Variants in HDAC4 observed in about 807,000 individuals in gnomAD.
HDAC4 encodes histone deacetylase A.
In HDAC4, 16 loss-of-function variants were observed where a neutral mutation model predicts 135.1. The observed-to-expected ratio is 0.12, with a 90% confidence interval of 0.08 to 0.18. The LOEUF is 0.18. Ranked by LOEUF, HDAC4 falls within the 10% of genes least tolerant of loss-of-function variation. The probability of loss-of-function intolerance (pLI) is 1.00; values close to 1 mark genes in which losing one functional copy is unlikely to be tolerated. For synonymous variants in HDAC4, 685 were observed against 653.4 expected, an observed-to-expected ratio of 1.05 and a Z score of -0.74; for missense variants, 1,143 against 1,511.8, an observed-to-expected ratio of 0.76 and a Z score of 4.05.
chr2:239,284,008 G>T (rs191004762), intron 2 of HDAC4, among the ~76,000 whole-genome samples: 235 of 152,324 alleles, frequency 1.5e-3, no homozygotes, highest in Non-Finnish European at 2.7e-3. Context: ...GTCGGCGCAG[G>T]GGCCCCCAGC....
chr2:239,297,297 G>A (rs1228246808), intron 2 of HDAC4, among the ~76,000 whole-genome samples: 3 of 152,236 alleles, frequency 2.0e-5, no homozygotes, highest in African/African-American at 7.2e-5. Context: ...CAGCAACCCA[G>A]GGTCTCTGAA....
chr2:239,215,384 T>C (rs1477483045), intron 3 of HDAC4, among the ~76,000 whole-genome samples: 2 of 152,126 alleles, frequency 1.3e-5, no homozygotes, highest in Non-Finnish European at 2.9e-5. Context: ...GGCTGGCTGC[T>C]GGGAGCCCAG....
chr2:239,330,983 AC>A (rs1348442402), intron 2 of HDAC4, among the ~76,000 whole-genome samples: 1 of 152,212 alleles, frequency 6.6e-6, no homozygotes, highest in African/African-American at 2.4e-5. Context: ...CGCTGCTGAC[AC>A]AGACCTGCTG....
chr2:239,300,962 TG>T (rs1350871215), intron 2 of HDAC4, among the ~76,000 whole-genome samples: 3 of 152,244 alleles, frequency 2.0e-5, no homozygotes, highest in Non-Finnish European at 4.4e-5. Flanking sequence ...CCCTTAGCTC[TG>T]GGCTTCTCTT....
intron 1 of HDAC4, among the ~76,000 whole-genome samples, chr2:239,354,306 G>A (rs1044328363): frequency 4.6e-5 from 7 of 152,048 alleles, no homozygotes; most frequent in Admixed American, 3.3e-4. Flanking sequence ...CAGGAGCTTC[G>A]GATGAGCCTG....
intron 4 of HDAC4, among the ~76,000 whole-genome samples, chr2:239,188,907 C>G (rs1401187941): frequency 2.0e-5 from 3 of 152,268 alleles, no homozygotes; most frequent in African/African-American, 7.2e-5. Context: ...TCAGTCCAGT[C>G]AACCCTGCAG....
chr2:239,092,137 G>A (rs1190621280), intron 17 of HDAC4, among the ~76,000 whole-genome samples: 2 of 152,068 alleles, frequency 1.3e-5, no homozygotes, highest in South Asian at 2.1e-4. Flanking sequence ...AACTCAGGAC[G>A]CTGAGGCGGG....
intron 21 of HDAC4, 58 bp downstream of exon 21, chr2:239,082,044 C>T (rs536216269): frequency 6.3e-7 from 1 of 1,597,950 alleles, no homozygotes; most frequent in South Asian, 1.1e-5. Context: ...CCCGTGCCCC[C>T]ACAGCGGCTC....
chr2:239,180,876 C>T (rs1454454794), intron 4 of HDAC4, among the ~76,000 whole-genome samples: 1 of 152,236 alleles, frequency 6.6e-6, no homozygotes, highest in Non-Finnish European at 1.5e-5. Flanking sequence ...ACGGAGACCA[C>T]AGCGCTGGTC....
rs1222412691 is a variant in HDAC4, at chr2:239,078,733, C to T, written c.2750+2362G>A. The stretch of plus-strand genomic sequence containing the variant: ...GAGGGGGAGTGACCCTGACGGCAGA[C>T]GCCCATTGCTGCTTTGGGCCTGGGC... On this transcript the variant is annotated intron_variant, in intron 22 of 26. Coordinates refer to ENST00000543185, the MANE Select transcript of HDAC4 (RefSeq NM_001378414.1). 3.9e-5 allele frequency among the ~76,000 whole-genome samples: 6 copies of T among 152,230 alleles called. No homozygotes were observed. In the East Asian group the frequency reaches 9.7e-4, roughly 25 times the overall value.
rs965343939 is a variant in HDAC4, at chr2:239,084,072, G to A, written c.2532+83C>T. ...TAAGCTTCCCACATCCAAGAGCCCA[G>A]CTCCTCTGTCCACACGCTGCTGTCC... is the stretch of plus-strand genomic sequence containing the variant. On this transcript the variant is annotated intron_variant, in intron 20 of 26. Coordinates refer to ENST00000543185, the MANE Select transcript of HDAC4 (RefSeq NM_001378414.1). 1.1e-4 allele frequency: 102 copies of A among 950,068 alleles called. 1 individual carries two copies. In the South Asian group the frequency reaches 1.1e-3, roughly 11 times the overall value. The allele number at this position is 950,068 out of a possible 1,614,324, so 58.9% of individuals were successfully genotyped here.
intron 16 of HDAC4, among the ~76,000 whole-genome samples, chr2:239,101,960 G>A (rs2037693270): frequency 1.4e-5 from 2 of 147,820 alleles, no homozygotes; most frequent in Non-Finnish European, 3.0e-5. Flanking sequence ...CCCAGGGTCT[G>A]GGTTCTGTGT....
In HDAC4 at chr2:239,258,405, C is replaced by T. The variant is rs376654300; in HGVS notation, c.23-21741G>A. Among the ~76,000 whole-genome samples the T allele has an allele frequency of 4.4e-4, 66 of 151,536 alleles. 1 individual carries two copies. Among genetic ancestry groups the T allele is most frequent in the African/African-American group, 1.4e-3 (56 of 41,234 alleles). ...GAAAATTGCTGAAAACAAAAACGGC[C>T]GTGGAGGGGGAGGGGGGATTACCTA... is the stretch of plus-strand genomic sequence containing the variant. On this transcript the variant is annotated intron_variant, in intron 2 of 26. Transcript: ENST00000543185.
chr2:239,332,117 G>C (rs992175860), intron 2 of HDAC4, among the ~76,000 whole-genome samples: 2 of 152,086 alleles, frequency 1.3e-5, no homozygotes, highest in Admixed American at 1.3e-4. Context: ...AAACCTGACA[G>C]AGCTAAAAAG....
chr2:239,175,609 G>C (rs2043715716), intron 5 of HDAC4, among the ~76,000 whole-genome samples: 1 of 152,232 alleles, frequency 6.6e-6, no homozygotes, highest in Non-Finnish European at 1.5e-5. Flanking sequence ...AAAATTCAGA[G>C]TGGAAGGAGC....
At position 239,245,581 on chromosome 2, in the gene HDAC4, C is replaced by T. The variant is rs1232727492; in HGVS notation, c.23-8917G>A. ...GGGATGGTGCTGTGGCCTCTGAGAT[C>T]GGTTTTAAATTCTCCAGAAAATAAA... On this transcript the variant is annotated intron_variant, in intron 2 of 26. Coordinates refer to ENST00000543185, the MANE Select transcript of HDAC4 (RefSeq NM_001378414.1). This position sits in a 1 kb window ranked among gnomAD's most constrained non-coding sequence, Gnocchi z 4.4. Among the ~76,000 whole-genome samples, 2 of 152,032 alleles carry T rather than the reference C, an allele frequency of 1.3e-5. No homozygotes were observed. Among genetic ancestry groups the T allele is most frequent in the Admixed American group, 6.6e-5 (1 of 15,262 alleles).
chr2:239,110,006 T>G (rs1401952989), intron 14 of HDAC4, among the ~76,000 whole-genome samples: 1 of 152,170 alleles, frequency 6.6e-6, no homozygotes. Context: ...GGAGACCACG[T>G]GGCTAAAGGA....
At chr2:239,345,902 AC>A (rs1202139993) in intron 2 of HDAC4, among the ~76,000 whole-genome samples, 3 of 143,868 alleles carry the variant, frequency 2.1e-5, no homozygotes, top group South Asian at 4.5e-4. Flanking sequence ...ACACACACAC[AC>A]CCCCATCTCA....
chr2:239,124,679 T>C (rs879037658), intron 12 of HDAC4, among the ~76,000 whole-genome samples: 19 of 134,864 alleles, frequency 1.4e-4, no homozygotes, highest in Non-Finnish European at 1.8e-4. Flanking sequence ...TGCCGGCGTG[T>C]GGCCGCGTTA....
Sources: allele counts gnomAD v4.1 joint callset (sites outside exome capture counted in the v4.1 genomes callset), GRCh38; gene constraint gnomAD v4.1.1; non-coding constraint Gnocchi (gnomAD v3.1); transcripts MANE v1.5; gene names NCBI Gene and HGNC (gene_info 2026-07-23, HGNC 2026-07-21).